Variants in COL18A1 observed in about 807,000 individuals in gnomAD.
COL18A1 encodes collagen type XVIII alpha 1 chain, also known as collagen alpha-1(XVIII) chain.
COL18A1 carries 133 observed loss-of-function variants against 168.0 expected under a neutral mutation model. That is an observed-to-expected ratio of 0.79 (90% CI 0.69 to 0.91). The LOEUF (loss-of-function observed/expected upper bound fraction) is 0.91. Ranked by LOEUF, COL18A1 falls within the 40% of genes least tolerant of loss-of-function variation. COL18A1 has a pLI of 0.00. For synonymous variants in COL18A1, 949 were observed against 809.0 expected, an observed-to-expected ratio of 1.17 and a Z score of -2.94; for missense variants, 2,126 against 1,925.4, an observed-to-expected ratio of 1.10 and a Z score of -1.95.
At position 45,489,476 on chromosome 21, in the gene COL18A1, T is replaced by C. The variant is rs1277347079; in HGVS notation, c.1924-10T>C. On this transcript the variant is annotated splice_polypyrimidine_tract_variant and intron_variant, in intron 18 of 41. Transcript: ENST00000651438. The stretch of plus-strand genomic sequence containing the variant: ...CAGCAGGTGCTCACGGAGCCCCTTT[T>C]TTCACTTAGGGGGATCCTGGCGTGC... 1 of 1,598,036 alleles carries C rather than the reference T, an allele frequency of 6.3e-7. No homozygotes were observed. Among genetic ancestry groups the C allele is most frequent in the Admixed American group, 1.7e-5 (1 of 58,446 alleles).
rs1360519480 is a variant in COL18A1, at chr21:45,437,285, CCTG to C, written c.107-30955_107-30953del. ...ACACACTCAGACACACAGGCACTCT[CCTG>C]CACACACACACACTCACACAGGCAC... On this transcript the variant is annotated intron_variant, in intron 2 of 41. Transcript: ENST00000651438. 1.5e-5 allele frequency among the ~76,000 whole-genome samples: 2 copies of C among 135,188 alleles called. 1 individual carries two copies. Among genetic ancestry groups the C allele is most frequent in the Non-Finnish European group, 3.1e-5 (2 of 65,024 alleles). 88.7% of individuals were successfully genotyped at this position (135,188 alleles called of 152,430 possible).
At chr21:45,509,119 A>G (rs2037419672) in intron 38 of COL18A1, among the ~76,000 whole-genome samples, 1 of 152,074 alleles carries the variant, frequency 6.6e-6, no homozygotes, top group African/African-American at 2.4e-5. Flanking sequence ...GCTTCTGAGC[A>G]CGGCTGGGTC....
In COL18A1 at chr21:45,453,445, GTGA is replaced by G. The variant is rs1241232545; in HGVS notation, c.107-14791_107-14789del. ...TGTGCGTACACATGCGTGCGTTTGA[GTGA>G]TGATGTGAGGAGGCTTATGTAGTAG... is the stretch of plus-strand genomic sequence containing the variant. On this transcript the variant is annotated intron_variant, in intron 2 of 41. Transcript: ENST00000651438. Among the ~76,000 whole-genome samples, 7 of 152,312 alleles carry G rather than the reference GTGA, an allele frequency of 4.6e-5. No homozygotes were observed. The South Asian group carries it at 1.4e-3, about 32-fold the overall frequency.
At chr21:45,449,224 G>A (rs1017216268) in intron 2 of COL18A1, among the ~76,000 whole-genome samples, 3 of 152,196 alleles carry the variant, frequency 2.0e-5, no homozygotes, top group Non-Finnish European at 2.9e-5. Flanking sequence ...CACCAAGCCC[G>A]AGGGGAGGGC....
chr21:45,414,377 C>T (rs2033382786), intron 2 of COL18A1, among the ~76,000 whole-genome samples: 1 of 152,226 alleles, frequency 6.6e-6, no homozygotes, highest in Non-Finnish European at 1.5e-5. Context: ...ACTTCACCCC[C>T]AAAGGAATGG....
At chr21:45,509,259 GCCCAGCCCCTCTCA>G in intron 38 of COL18A1, 83 bp from the exon 39 acceptor site, 1 of 1,497,818 alleles carries the variant, frequency 6.7e-7, no homozygotes, top group Non-Finnish European at 8.9e-7. Context: ...CCAGTTCAGA[GCCCAGCCCCTCTCA>G]CCCAGCCCAG....
rs1043403030 is a variant in COL18A1, at chr21:45,456,631, G to A, written c.107-11611G>A. ...ACCACGAGAGCGGCGAGCAGGTGCG[G>A]GCCGGGGCACGGGCGTGGGGGGGCC... On this transcript the variant is annotated intron_variant, in intron 2 of 41. Transcript: ENST00000651438. 4.6e-6 allele frequency: 7 copies of A among 1,538,436 alleles called. No individual in the cohort carries two copies. In the African/African-American group the frequency reaches 5.5e-5, roughly 12 times the overall value.
At chr21:45,503,973 A>T (rs368579448) in intron 32 of COL18A1, 38 bp from the exon 33 acceptor site, 1 of 1,612,496 alleles carries the variant, frequency 6.2e-7, no homozygotes, top group East Asian at 2.2e-5. Context: ...GCTGTCAGAC[A>T]CCACCTCAGC....
At position 45,499,445 on chromosome 21, in the gene COL18A1, G is replaced by A. The variant is rs1406399267; in HGVS notation, c.2683+1784G>A. ...GGGTCAGAGGCTCCCGCGGGAACCCGTGTGGGCTGCCCCGCATGGCATCCC... is the reference window on the plus strand; with the variant it reads ...GGGTCAGAGGCTCCCGCGGGAACCCATGTGGGCTGCCCCGCATGGCATCCC... On this transcript the variant is annotated intron_variant, in intron 32 of 41. Transcript: ENST00000651438. Among the ~76,000 whole-genome samples, 5 of 129,172 alleles carry A rather than the reference G, an allele frequency of 3.9e-5. 1 individual carries two copies. The highest frequency in any genetic ancestry group is 5.8e-5 in the African/African-American group (2 of 34,528). 84.7% of individuals were successfully genotyped at this position (129,172 alleles called of 152,430 possible).
At chr21:45,507,632 A>T in intron 38 of COL18A1, 39 bp downstream of exon 38, 1 of 1,595,002 alleles carries the variant, frequency 6.3e-7, no homozygotes, top group Non-Finnish European at 8.6e-7. Flanking sequence ...GTGGGTGGTC[A>T]GGACATGAGG....
chr21:45,484,138 T>G (rs116542744), intron 15 of COL18A1, among the ~76,000 whole-genome samples: 2 of 119,308 alleles, frequency 1.7e-5, no homozygotes, highest in Non-Finnish European at 3.2e-5. Flanking sequence ...CTCCAGCGTA[T>G]GTACACACAC....
intron 18 of COL18A1, among the ~76,000 whole-genome samples, chr21:45,489,057 G>A (rs1361089910): frequency 2.6e-5 from 4 of 152,232 alleles, no homozygotes; most frequent in Non-Finnish European, 5.9e-5. Flanking sequence ...GGCGCACGGG[G>A]CCCACCCTGG....
At chr21:45,438,817 C>T (rs2034291246) in intron 2 of COL18A1, among the ~76,000 whole-genome samples, 2 of 152,356 alleles carry the variant, frequency 1.3e-5, no homozygotes, top group Non-Finnish European at 2.9e-5. Flanking sequence ...TCTGTCTGTG[C>T]AGCCGGAAGG....
intron 8 of COL18A1, 49 bp downstream of exon 8, chr21:45,478,014 CT>C (rs1345823773): frequency 9.5e-7 from 1 of 1,047,914 alleles, no homozygotes; most frequent in African/African-American, 1.6e-5. Context: ...AGGGTGGGGG[CT>C]TGGGTAGGAG....
chr21:45,508,156 T>C (rs1016804244), intron 38 of COL18A1, among the ~76,000 whole-genome samples: 6 of 139,446 alleles, frequency 4.3e-5, no homozygotes, highest in Non-Finnish European at 9.2e-5. Flanking sequence ...GGTGGGTGAG[T>C]GGATAGGTAG....
At chr21:45,452,912 T>C (rs867830852) in intron 2 of COL18A1, among the ~76,000 whole-genome samples, 8 of 151,896 alleles carry the variant, frequency 5.3e-5, no homozygotes, top group Admixed American at 1.3e-4. Context: ...TGTATGTACA[T>C]GTGTGTGAGT....
chr21:45,418,788 T>G (rs8133885), intron 2 of COL18A1, among the ~76,000 whole-genome samples: 1 of 150,038 alleles, frequency 6.7e-6, no homozygotes, highest in Non-Finnish European at 1.5e-5. Context: ...GCTTTAGCGT[T>G]GGGTTCCCGG....
chr21:45,456,497 C>G, intron 2 of COL18A1: 1 of 1,548,438 alleles, frequency 6.5e-7, no homozygotes, highest in Non-Finnish European at 8.7e-7. Flanking sequence ...CTCTGCCCTG[C>G]TCGGGGCTGA....
In COL18A1 at chr21:45,405,405, G is replaced by A; in HGVS notation, c.38G>A (p.Arg13Gln). 7.6e-7 allele frequency: 1 copy of A among 1,319,132 alleles called. No homozygotes were observed. The highest frequency in any genetic ancestry group is 2.9e-4 in the Middle Eastern group (1 of 3,486). 81.7% of individuals were successfully genotyped at this position (1,319,132 alleles called of 1,614,324 possible). ...TGCCCCTGGCCATGGCCGCGGCGGCGGCGCCTCCTGGACGTGCTCGCGCCC... is the reference window on the plus strand; with the variant it reads ...TGCCCCTGGCCATGGCCGCGGCGGCAGCGCCTCCTGGACGTGCTCGCGCCC... ...PRCPWPWPRRRRLLDVLAPLV... is the reference protein window; with the variant it reads ...PRCPWPWPRRQRLLDVLAPLV... The change falls in exon 2 of 42, where the codon CGG becomes CAG. Residue 13 changes from arginine to glutamine, a missense_variant. Coordinates refer to ENST00000651438, the MANE Select transcript of COL18A1 (RefSeq NM_001379500.1).
Sources: allele counts gnomAD v4.1 joint callset (sites outside exome capture counted in the v4.1 genomes callset), GRCh38; gene constraint gnomAD v4.1.1; transcripts MANE v1.5; gene names NCBI Gene and HGNC (gene_info 2026-07-23, HGNC 2026-07-21).